Variants in DISP1 observed in about 807,000 individuals in gnomAD.
The protein encoded by DISP1 is protein dispatched homolog 1.
In DISP1, 30 loss-of-function variants were observed where a neutral mutation model predicts 37.3. The ratio of observed to expected loss-of-function variants is 0.80; its 90% CI spans 0.60 to 1.09. DISP1 has a LOEUF of 1.09. Ranked by LOEUF, DISP1 falls within the 50% of genes least tolerant of loss-of-function variation. The pLI is 0.00. For synonymous variants in DISP1, 634 were observed against 690.2 expected, an observed-to-expected ratio of 0.92 and a Z score of 1.28; for missense variants, 1,598 against 1,879.5, an observed-to-expected ratio of 0.85 and a Z score of 2.77.
chr1:222,835,664 T>C (rs1666843701), intron 1 of DISP1, among the ~76,000 whole-genome samples: 2 of 152,144 alleles, frequency 1.3e-5, no homozygotes, highest in Admixed American at 6.6e-5. Context: ...TATTTAAAAA[T>C]TGAGTGGCTG....
chr1:222,932,771 G>A (rs1673484315), intron 2 of DISP1, among the ~76,000 whole-genome samples: 1 of 151,834 alleles, frequency 6.6e-6, no homozygotes, highest in Non-Finnish European at 1.5e-5. Context: ...AATATTACAT[G>A]GAAAGATAAT....
intron 1 of DISP1, among the ~76,000 whole-genome samples, chr1:222,925,960 G>C (rs1285326288): frequency 2.0e-5 from 3 of 152,128 alleles, no homozygotes; most frequent in African/African-American, 7.2e-5. Flanking sequence ...CCATTTTAAA[G>C]TAAACATTTC....
chr1:222,822,653 A>G (rs1010340077), intron 1 of DISP1, among the ~76,000 whole-genome samples: 1 of 152,240 alleles, frequency 6.6e-6, no homozygotes, highest in African/African-American at 2.4e-5. Context: ...GTTTCAAATT[A>G]TAAGGTTTTC....
rs188738359 is a variant in DISP1 at position 222,976,147 on chromosome 1, T to C, written c.510-6933T>C. On this transcript the variant is annotated intron_variant, in intron 3 of 8. Transcript: ENST00000675850. The stretch of plus-strand genomic sequence containing the variant: ...GTGAATGCTGGAAAAAGATAGTTTC[T>C]CTCTCCGAGGTTAGATTTGTTTATT... Among the ~76,000 whole-genome samples, 7 of 152,270 alleles carry C rather than the reference T, an allele frequency of 4.6e-5. No individual in the cohort carries two copies. In the East Asian group the frequency reaches 1.4e-3, roughly 29 times the overall value.
intron 3 of DISP1, among the ~76,000 whole-genome samples, chr1:222,957,995 T>A (rs980207538): frequency 1.3e-5 from 2 of 152,256 alleles, no homozygotes; most frequent in African/African-American, 4.8e-5. Flanking sequence ...GCAGAAAACC[T>A]ATTTTTGAAG....
At chr1:222,977,675 T>C (rs1176288433) in intron 3 of DISP1, among the ~76,000 whole-genome samples, 1 of 151,794 alleles carries the variant, frequency 6.6e-6, no homozygotes, top group Non-Finnish European at 1.5e-5. Context: ...CCTAATGCTA[T>C]CCCTCCCCTC....
At chr1:222,837,036 A>ATGAC in intron 1 of DISP1, 1 of 398,556 alleles carries the variant, frequency 2.5e-6, no homozygotes, top group African/African-American at 2.1e-5. Context: ...AAGCTAGCCC[A>ATGAC]TGACTACACA....
At position 223,005,106 on chromosome 1, in the gene DISP1, A is replaced by G. The variant is rs1180037992; in HGVS notation, c.3709A>G (p.Ser1237Gly). The G allele has an allele frequency of 2.5e-6, 4 of 1,614,080 alleles. No individual in the cohort carries two copies. The highest frequency in any genetic ancestry group is 1.7e-6 in the Non-Finnish European group (2 of 1,180,042). Residue 1237 changes from serine to glycine, a missense_variant, in exon 9 of 9, where the codon AGT (serine) becomes GGT (glycine). By Grantham distance (56) the Ser-to-Gly change is moderately conservative. Transcript: ENST00000675850. ...GATGCCTGTGCATGCAGCTTACAAC[A>G]GTGAACTCAGCAAAAGCACTGAAAG... ...LGMPVHAAYN[S>G]ELSKSTESDA...
intron 2 of DISP1, among the ~76,000 whole-genome samples, chr1:222,934,034 G>A (rs987726934): frequency 3.9e-5 from 6 of 151,938 alleles, no homozygotes; most frequent in Non-Finnish European, 5.9e-5. Context: ...TGTCTCTGGC[G>A]CTCTTGAATG....
intron 1 of DISP1, among the ~76,000 whole-genome samples, chr1:222,914,935 C>A (rs571519558): frequency 2.6e-5 from 4 of 152,148 alleles, no homozygotes; most frequent in South Asian, 2.1e-4. Flanking sequence ...CCACTGCAGT[C>A]CAGCTTGGTT....
At chr1:222,824,758 A>G (rs1201012592) in intron 1 of DISP1, among the ~76,000 whole-genome samples, 1 of 152,158 alleles carries the variant, frequency 6.6e-6, no homozygotes, top group Non-Finnish European at 1.5e-5. Flanking sequence ...GGCTATTCAC[A>G]TAAAAATTCA....
At chr1:222,977,468 T>G (rs1677447205) in intron 3 of DISP1, among the ~76,000 whole-genome samples, 1 of 151,714 alleles carries the variant, frequency 6.6e-6, no homozygotes, top group South Asian at 2.1e-4. Flanking sequence ...ACTTTACATG[T>G]ACTTCTTAGA....
At chr1:222,974,088 T>G (rs1677146423) in intron 3 of DISP1, among the ~76,000 whole-genome samples, 1 of 152,210 alleles carries the variant, frequency 6.6e-6, no homozygotes, top group South Asian at 2.1e-4. Flanking sequence ...AAGCGTACAG[T>G]GCTGATGAAT....
chr1:222,853,066 A>C (rs1372523723), intron 1 of DISP1, among the ~76,000 whole-genome samples: 2 of 152,204 alleles, frequency 1.3e-5, no homozygotes, highest in Admixed American at 1.3e-4. Flanking sequence ...TATTTCATAG[A>C]AAAATTAGTT....
Position 223,005,040 on chromosome 1 carries a change from A to G in DISP1, c.3643A>G (p.Ile1215Val), listed in dbSNP as rs1358057867. Residue 1215 changes from isoleucine to valine, a missense_variant, in exon 9 of 9, where the codon ATC (isoleucine) becomes GTC (valine). Transcript: ENST00000675850. ...PEKTTYEETH[I>V]CSEFFNSQAK... ...GAAGACCACTTATGAAGAGACCCACATCTGCTCTGAATTTTTCAACAGCCA... is the reference window on the plus strand; with the variant it reads ...GAAGACCACTTATGAAGAGACCCACGTCTGCTCTGAATTTTTCAACAGCCA... The G allele has an allele frequency of 2.5e-6, 4 of 1,614,046 alleles. No individual in the cohort carries two copies. The highest frequency in any genetic ancestry group is 1.3e-5 in the African/African-American group (1 of 74,924).
chr1:222,942,846 A>G lies in DISP1; in HGVS notation c.23A>G (p.Asn8Ser), dbSNP rs945991954. Reference protein sequence around the residue: MAMSNGNNDFVVLSNSSI... With the variant: MAMSNGNSDFVVLSNSSI... Reference sequence around the variant, plus strand: ...AGCATGGCTATGAGCAATGGAAACAATGATTTTGTGGTTCTGAGCAACAGC... The same window carrying G: ...AGCATGGCTATGAGCAATGGAAACAGTGATTTTGTGGTTCTGAGCAACAGC... Residue 8 changes from asparagine to serine, a missense_variant, in exon 3 of 9, where the codon AAT becomes AGT. Transcript: ENST00000675850. 16 of 1,614,068 alleles carry G rather than the reference A, an allele frequency of 9.9e-6. No homozygotes were observed. The highest frequency in any genetic ancestry group is 2.7e-5 in the African/African-American group (2 of 74,924).
At chr1:222,979,037 G>A (rs1347357847) in intron 3 of DISP1, among the ~76,000 whole-genome samples, 2 of 152,124 alleles carry the variant, frequency 1.3e-5, no homozygotes, top group African/African-American at 4.8e-5. Context: ...CTTTAAAGTA[G>A]TTTTTTCCAA....
At chr1:222,941,483 T>C (rs1674383200) in intron 2 of DISP1, among the ~76,000 whole-genome samples, 1 of 152,202 alleles carries the variant, frequency 6.6e-6, no homozygotes, top group Non-Finnish European at 1.5e-5. Flanking sequence ...CACTAAGCAA[T>C]TTATTAAGAA....
intron 1 of DISP1, among the ~76,000 whole-genome samples, chr1:222,862,815 G>A (rs1373316824): frequency 6.6e-6 from 1 of 152,098 alleles, no homozygotes; most frequent in Non-Finnish European, 1.5e-5. Flanking sequence ...TATAGTGTGA[G>A]CCACCGTGCT....
Sources: gnomAD v4.1 joint callset for allele counts (sites outside exome capture counted in the v4.1 genomes callset) on GRCh38, gnomAD v4.1.1 for gene constraint, MANE v1.5 for transcripts, NCBI Gene and HGNC (gene_info 2026-07-23, HGNC 2026-07-21) for gene names.